The following TAF5L variants were observed in gnomAD, a reference collection of about 807,000 sequenced individuals.
TAF5L encodes the protein TAF5-like RNA polymerase II p300/CBP-associated factor-associated factor 65 kDa subunit 5L.
In TAF5L, 7 loss-of-function variants were observed where a neutral mutation model predicts 51.3. That is an observed-to-expected ratio of 0.14 (90% CI 0.08 to 0.26). The LOEUF (loss-of-function observed/expected upper bound fraction) is 0.26, where lower values mean the gene tolerates loss of function less well. TAF5L is among the 10% of genes least tolerant of loss of function. The pLI, the probability that TAF5L is intolerant of heterozygous loss-of-function variation, is 1.00. For missense variants in TAF5L, 575 were observed against 758.9 expected, an observed-to-expected ratio of 0.76 and a Z score of 2.85; for synonymous variants, 291 against 308.1, an observed-to-expected ratio of 0.94 and a Z score of 0.58.
chr1:229,611,111 G>C (rs1468825641), intron 2 of TAF5L, among the ~76,000 whole-genome samples: 1 of 151,878 alleles, frequency 6.6e-6, no homozygotes. Flanking sequence ...TTTCTTCTTG[G>C]GCAAGTTGGA....
Position 229,602,550 on chromosome 1 carries a change from T to C in TAF5L, c.617A>G (p.Asp206Gly). 6.2e-7 allele frequency: 1 copy of C among 1,614,192 alleles called. No individual in the cohort carries two copies. Among genetic ancestry groups the C allele is most frequent in the South Asian group, 1.1e-5 (1 of 91,084 alleles). The change falls in exon 4 of 5, where the codon GAC becomes GGC. Residue 206 changes from aspartate to glycine, a missense_variant. By Grantham distance (94) the Asp-to-Gly change is moderately conservative. Around this residue, in one of 3 missense-constraint regions of TAF5L, gnomAD observed 380 missense variants for 443.7 expected, o/e 0.86. Coordinates refer to ENST00000258281, the Ensembl canonical transcript of TAF5L. This position sits in a 1 kb window ranked among gnomAD's most constrained non-coding sequence, Gnocchi z 4.6. ...GCTGCCACTGGCATACAGCTGATAG[T>C]CTGTTCTCTTGGCAGGCTGCACGTC...
At chr1:229,597,952 C>T in intron 4 of TAF5L, among the ~76,000 whole-genome samples, 1 of 152,260 alleles carries the variant, frequency 6.6e-6, no homozygotes, top group African/African-American at 2.4e-5. Context: ...GACCAGGGGT[C>T]CTTTCTTGGG....
chr1:229,601,115 C>A, intron 4 of TAF5L: 8 of 985,174 alleles, frequency 8.1e-6, no homozygotes, highest in Non-Finnish European at 8.4e-6. Flanking sequence ...AGACTCTTCA[C>A]TCATCACAAG....
At chr1:229,615,947 G>A (rs367777125) in intron 1 of TAF5L, among the ~76,000 whole-genome samples, 62 of 152,320 alleles carry the variant, frequency 4.1e-4, no homozygotes, top group African/African-American at 1.5e-3. Context: ...TTATTTGGAT[G>A]TGTTTTAAGT....
intron 2 of TAF5L, 63 bp downstream of exon 2, chr1:229,614,278 A>G (rs774042133): frequency 3.8e-5 from 62 of 1,613,860 alleles, no homozygotes; most frequent in Non-Finnish European, 4.6e-5. Context: ...GTAATTCCAC[A>G]TGGATATTGA....
intron 1 of TAF5L, among the ~76,000 whole-genome samples, chr1:229,616,042 TC>T (rs1196661627): frequency 2.0e-5 from 3 of 152,182 alleles, no homozygotes; most frequent in Non-Finnish European, 4.4e-5. Flanking sequence ...TGAGACAGTG[TC>T]TTGCTCTGTC....
At chr1:229,613,043 C>T (rs1340541741) in intron 2 of TAF5L, among the ~76,000 whole-genome samples, 1 of 151,950 alleles carries the variant, frequency 6.6e-6, no homozygotes, top group African/African-American at 2.4e-5. Flanking sequence ...AGTCCTGTTA[C>T]ACAGTGGCTC....
At chr1:229,598,749 A>G (rs2102739397) in intron 4 of TAF5L, among the ~76,000 whole-genome samples, 1 of 144,746 alleles carries the variant, frequency 6.9e-6, no homozygotes, top group South Asian at 2.2e-4. Flanking sequence ...CCCAGGCTGG[A>G]GTGCAGTGGC....
At position 229,625,283 on chromosome 1, in the gene TAF5L, C is replaced by G. The variant is rs968406421; in HGVS notation, c.-4+602G>C. Among the ~76,000 whole-genome samples the G allele has an allele frequency of 2.6e-5, 4 of 152,172 alleles. No individual in the cohort carries two copies. Among genetic ancestry groups the G allele is most frequent in the African/African-American group, 9.6e-5 (4 of 41,452 alleles). On this transcript the variant is annotated intron_variant, in intron 1 of 4. Transcript: ENST00000258281. The surrounding 1 kb of genome is among the most constrained non-coding windows in gnomAD (Gnocchi z 4.0). The stretch of plus-strand genomic sequence containing the variant: ...TGGTGAACCCGTCCCACACCATGGG[C>G]GCACCAACCTTACCTTGCTGTCATG...
At chr1:229,623,577 T>C (rs1665303960) in intron 1 of TAF5L, among the ~76,000 whole-genome samples, 1 of 152,154 alleles carries the variant, frequency 6.6e-6, no homozygotes, top group Non-Finnish European at 1.5e-5. Flanking sequence ...TTGATCACAA[T>C]CCCTTCCACA....
chr1:229,600,901 T>C (rs1368871993), intron 4 of TAF5L: 21 of 985,196 alleles, frequency 2.1e-5, no homozygotes, highest in Non-Finnish European at 2.5e-5. Flanking sequence ...TCAAAGCTAA[T>C]AAGGTCAGTG....
rs1665382065 is a variant in TAF5L, at chr1:229,625,006, C to G, written c.-4+879G>C. ...ATTCCGAGATTCCAATCTGCAAGGT[C>G]AGTTTAGGTACAGTAATTTAAGACA... On this transcript the variant is annotated intron_variant, in intron 1 of 4. Coordinates refer to ENST00000258281, the Ensembl canonical transcript of TAF5L. The surrounding 1 kb of genome is among the most constrained non-coding windows in gnomAD (Gnocchi z 4.0). Among the ~76,000 whole-genome samples, 1 of 152,192 alleles carries G rather than the reference C, an allele frequency of 6.6e-6. No individual in the cohort carries two copies. The highest frequency in any genetic ancestry group is 6.5e-5 in the Admixed American group (1 of 15,286).
Position 229,602,296 on chromosome 1 carries a change from A to G in TAF5L, c.871T>C (p.Cys291Arg). 6.2e-7 allele frequency: 1 copy of G among 1,614,198 alleles called. No individual in the cohort carries two copies. Among genetic ancestry groups the G allele is most frequent in the African/African-American group, 1.3e-5 (1 of 75,048 alleles). Reference sequence around the variant, plus strand: ...GATCGTAAACTCCAAAGTTTTATACAGGAGTTGTCAAACCCAGCAGCAAGC... The same window carrying G: ...GATCGTAAACTCCAAAGTTTTATACGGGAGTTGTCAAACCCAGCAGCAAGC... Residue 291 changes from cysteine to arginine, a missense_variant, in exon 4 of 5, where the codon TGT becomes CGT. By Grantham distance (180) the Cys-to-Arg change is radical. Around this residue, in one of 3 missense-constraint regions of TAF5L, gnomAD observed 380 missense variants for 443.7 expected, o/e 0.86. Coordinates refer to ENST00000258281, the Ensembl canonical transcript of TAF5L. The surrounding 1 kb of genome is among the most constrained non-coding windows in gnomAD (Gnocchi z 4.6).
intron 4 of TAF5L, chr1:229,599,930 T>C (rs1045305811): frequency 2.0e-6 from 2 of 985,510 alleles, no homozygotes; most frequent in East Asian, 1.1e-4. Flanking sequence ...CTGACTTACA[T>C]AGTGATTTTG....
At chr1:229,599,896 G>A in intron 4 of TAF5L, 1 of 985,478 alleles carries the variant, frequency 1.0e-6, no homozygotes, top group Non-Finnish European at 1.2e-6. Context: ...GATGAAAGCA[G>A]AGAGTGCAAG....
intron 4 of TAF5L, among the ~76,000 whole-genome samples, chr1:229,596,534 AG>A (rs1365091252): frequency 1.3e-5 from 2 of 152,234 alleles, no homozygotes; most frequent in African/African-American, 4.8e-5. Context: ...GTGTGGATTC[AG>A]AAGTGCTTGA....
chr1:229,596,591 G>A (rs1345742577), intron 4 of TAF5L, among the ~76,000 whole-genome samples: 1 of 152,178 alleles, frequency 6.6e-6, no homozygotes, highest in Non-Finnish European at 1.5e-5. Flanking sequence ...AATTTCCTGT[G>A]TGTGACGACA....
intron 1 of TAF5L, among the ~76,000 whole-genome samples, chr1:229,619,864 G>GCTT (rs1415675747): frequency 6.6e-6 from 1 of 152,016 alleles, no homozygotes; most frequent in East Asian, 1.9e-4. Flanking sequence ...GTCTGCCACT[G>GCTT]CTTCTTCACA....
chr1:229,605,555 G>T (rs1225402410), intron 3 of TAF5L, among the ~76,000 whole-genome samples: 1 of 152,046 alleles, frequency 6.6e-6, no homozygotes, highest in African/African-American at 2.4e-5. Context: ...AACTGTGGGG[G>T]GGCCCACGGC....
Sources: gnomAD v4.1 joint callset for allele counts (sites outside exome capture counted in the v4.1 genomes callset) on GRCh38, gnomAD v4.1.1 for gene constraint, gnomAD v4.1.1 regional missense constraint, Gnocchi (gnomAD v3.1) non-coding constraint, MANE v1.5 for transcripts, NCBI Gene and HGNC (gene_info 2026-07-23, HGNC 2026-07-21) for gene names.